ROBO2: variants seen among roughly 807,000 people sequenced by gnomAD.
ROBO2 encodes roundabout homolog 2.
Under a neutral mutation model 160.8 loss-of-function variants are expected in ROBO2, and 53 were observed. The ratio of observed to expected loss-of-function variants is 0.33; its 90% CI spans 0.26 to 0.41. The LOEUF (loss-of-function observed/expected upper bound fraction) is 0.41. Ranked by LOEUF, ROBO2 falls within the 10% of genes least tolerant of loss-of-function variation. The pLI is 1.00. For synonymous variants in ROBO2, 664 were observed against 611.7 expected, an observed-to-expected ratio of 1.09 and a Z score of -1.26; for missense variants, 1,577 against 1,722.4, an observed-to-expected ratio of 0.92 and a Z score of 1.49.
chr3:75,975,720 A>G (rs1313469160), intron 2 of ROBO2, among the ~76,000 whole-genome samples: 2 of 151,638 alleles, frequency 1.3e-5, no homozygotes, highest in South Asian at 2.1e-4. Flanking sequence ...TAACATAACC[A>G]TATAGAAATA....
At chr3:76,973,246 C>A (rs1476363383) in intron 2 of ROBO2, among the ~76,000 whole-genome samples, 1 of 152,120 alleles carries the variant, frequency 6.6e-6, no homozygotes, top group Non-Finnish European at 1.5e-5. Flanking sequence ...GTCCTGGTGG[C>A]AAACCCTTAG....
intron 2 of ROBO2, among the ~76,000 whole-genome samples, chr3:76,439,098 C>T (rs537586848): frequency 1.3e-5 from 2 of 152,028 alleles, no homozygotes; most frequent in African/African-American, 4.8e-5. Context: ...GAACAAGTAA[C>T]TAGTGGGAAC....
intron 2 of ROBO2, among the ~76,000 whole-genome samples, chr3:76,254,594 A>G (rs1301274922): frequency 6.6e-6 from 1 of 152,088 alleles, no homozygotes; most frequent in East Asian, 1.9e-4. Flanking sequence ...AAATAACTGC[A>G]ATAACGCTGT....
At chr3:77,167,281 T>A (rs1343580424) in intron 2 of ROBO2, among the ~76,000 whole-genome samples, 1 of 152,220 alleles carries the variant, frequency 6.6e-6, no homozygotes, top group Admixed American at 6.5e-5. Context: ...TCATCTAGTA[T>A]TCTGAATAGA....
chr3:76,766,141 T>C (rs907330576), intron 2 of ROBO2, among the ~76,000 whole-genome samples: 7 of 151,668 alleles, frequency 4.6e-5, no homozygotes, highest in African/African-American at 1.7e-4. Flanking sequence ...GTCTCAGAAT[T>C]AGGCTTCTGC....
At chr3:75,964,329 G>A (rs1292418660) in intron 2 of ROBO2, among the ~76,000 whole-genome samples, 1 of 151,688 alleles carries the variant, frequency 6.6e-6, no homozygotes, top group Non-Finnish European at 1.5e-5. Context: ...AAATATGGTT[G>A]TGGTTTTTAC....
chr3:77,131,132 C>T (rs1034438622), intron 2 of ROBO2, among the ~76,000 whole-genome samples: 2 of 152,088 alleles, frequency 1.3e-5, no homozygotes, highest in Non-Finnish European at 2.9e-5. Context: ...GGTATCATTT[C>T]TACCTTTCTA....
At chr3:76,100,091 G>A (rs912071186) in intron 2 of ROBO2, among the ~76,000 whole-genome samples, 1 of 152,092 alleles carries the variant, frequency 6.6e-6, no homozygotes, top group Non-Finnish European at 1.5e-5. Flanking sequence ...TAAGAAGATC[G>A]ACTAGAACGT....
chr3:76,829,675 CT>C (rs200612394), intron 2 of ROBO2, among the ~76,000 whole-genome samples: 20 of 130,754 alleles, frequency 1.5e-4, no homozygotes, highest in South Asian at 2.4e-4. Context: ...TTTTCTTTTT[CT>C]TTTTTTTTTG....
chr3:76,156,366 A>C (rs1432813230), intron 2 of ROBO2, among the ~76,000 whole-genome samples: 1 of 152,192 alleles, frequency 6.6e-6, no homozygotes, highest in Non-Finnish European at 1.5e-5. Flanking sequence ...CAGACTGCAA[A>C]AGAAGCCATA....
chr3:76,983,982 A>G (rs1318787386), intron 2 of ROBO2, among the ~76,000 whole-genome samples: 2 of 152,184 alleles, frequency 1.3e-5, no homozygotes, highest in Non-Finnish European at 2.9e-5. Flanking sequence ...TGCAAAGGAG[A>G]CGCAGGCACC....
At chr3:77,503,992 G>T (rs1204308860) in intron 5 of ROBO2, among the ~76,000 whole-genome samples, 1 of 152,182 alleles carries the variant, frequency 6.6e-6, no homozygotes. Flanking sequence ...CCCCTTCAGT[G>T]AAGTCATTTT....
chr3:75,918,082 G>T (rs1317349794), intron 1 of ROBO2, among the ~76,000 whole-genome samples: 2 of 152,072 alleles, frequency 1.3e-5, no homozygotes, highest in African/African-American at 2.4e-5. Context: ...CAGTGCTGTT[G>T]GTGTTTTAGT....
At chr3:76,548,171 C>T (rs1346706483) in intron 2 of ROBO2, among the ~76,000 whole-genome samples, 1 of 152,078 alleles carries the variant, frequency 6.6e-6, no homozygotes, top group South Asian at 2.1e-4. Flanking sequence ...TTTTCTATCT[C>T]CCAAGAGGAA....
chr3:76,164,710 G>A (rs1247827275), intron 2 of ROBO2, among the ~76,000 whole-genome samples: 1 of 152,134 alleles, frequency 6.6e-6, no homozygotes, highest in African/African-American at 2.4e-5. Flanking sequence ...CATCATCCAG[G>A]CTTTGTTGAT....
At chr3:76,065,752 TACACAC>T (rs4054051) in intron 2 of ROBO2, among the ~76,000 whole-genome samples, 49,794 of 142,780 alleles carry the variant, frequency 0.35, 9,344 homozygotes, top group South Asian at 0.48. Flanking sequence ...TATATATATA[TACACAC>T]ACACACACAC....
Position 76,206,148 on chromosome 3 carries a change from C to T in ROBO2, c.109+268546C>T, listed in dbSNP as rs189150068. On this transcript the variant is annotated intron_variant, in intron 2 of 26. Transcript: ENST00000487694. ...AGAGAGCTGACCATCACCTGCAGCCCGCTAAAGCACAAAAGCCTTTAGAAC... is the reference window on the plus strand; with the variant it reads ...AGAGAGCTGACCATCACCTGCAGCCTGCTAAAGCACAAAAGCCTTTAGAAC... Among the ~76,000 whole-genome samples, 57 of 75,716 alleles carry T rather than the reference C, an allele frequency of 7.5e-4. No individual in the cohort carries two copies. In the East Asian group the frequency reaches 0.012, roughly 16 times the overall value. The allele number at this position is 75,716 out of a possible 152,430, so 49.7% of individuals were successfully genotyped here.
chr3:76,401,618 G>C (rs6788893), intron 2 of ROBO2, among the ~76,000 whole-genome samples: 28,198 of 151,076 alleles, frequency 0.19, 3,109 homozygotes, highest in African/African-American at 0.3. Flanking sequence ...ATTAGGTGCT[G>C]TTCTACATGG....
chr3:76,201,640 T>C lies in ROBO2; in HGVS notation c.109+264038T>C, dbSNP rs1476946397. Among the ~76,000 whole-genome samples, 3 of 152,094 alleles carry C rather than the reference T, an allele frequency of 2.0e-5. 1 individual carries two copies. Among genetic ancestry groups the C allele is most frequent in the Non-Finnish European group, 4.4e-5 (3 of 68,006 alleles). On this transcript the variant is annotated intron_variant, in intron 2 of 26. Coordinates refer to the ROBO2 transcript ENST00000487694. ...AGCTCTTCCCCATCTGTTAATTTTA[T>C]ATTATTGGAATTTAGATTTCTTGAG...
Sources: gnomAD v4.1 joint callset for allele counts (sites outside exome capture counted in the v4.1 genomes callset) on GRCh38, gnomAD v4.1.1 for gene constraint, MANE v1.5 for transcripts, NCBI Gene and HGNC (gene_info 2026-07-23, HGNC 2026-07-21) for gene names.